The following ROBO1 variants were observed in gnomAD, a reference collection of about 807,000 sequenced individuals.
The protein encoded by ROBO1 is roundabout guidance receptor 1.
Under a neutral mutation model 195.9 loss-of-function variants are expected in ROBO1, and 149 were observed. That is an observed-to-expected ratio of 0.76 (90% CI 0.67 to 0.87). The LOEUF (loss-of-function observed/expected upper bound fraction) is 0.87. Ranked by LOEUF, ROBO1 falls within the 40% of genes least tolerant of loss-of-function variation. The pLI is 0.00. For synonymous variants in ROBO1, 816 were observed against 733.2 expected (o/e 1.11, Z -1.82); for missense variants, 1,933 against 2,068.3 (o/e 0.93, Z 1.27).
intron 3 of ROBO1, among the ~76,000 whole-genome samples, chr3:78,952,355 T>TTA (rs1242915579): frequency 1.3e-5 from 2 of 149,640 alleles, no homozygotes; most frequent in South Asian, 2.1e-4. Flanking sequence ...AGGGATGTAA[T>TTA]TATATATATA....
chr3:79,367,434 A>G (rs1282633392), intron 2 of ROBO1, among the ~76,000 whole-genome samples: 2 of 152,234 alleles, frequency 1.3e-5, no homozygotes, highest in Non-Finnish European at 2.9e-5. Context: ...GCTGACTCTG[A>G]TATTTTATAC....
chr3:79,076,870 T>C lies in ROBO1; in HGVS notation c.172+48586A>G, dbSNP rs139173351. ...TTCAAGTTTTGTATAGAGTGTTTGT[T>C]AGAATAGACAATTTTTCATATTTAA... On this transcript the variant is annotated intron_variant, in intron 3 of 30. Coordinates refer to ENST00000464233, the MANE Select transcript of ROBO1 (RefSeq NM_002941.4). 4.6e-5 allele frequency among the ~76,000 whole-genome samples: 7 copies of C among 152,014 alleles called. No individual in the cohort carries two copies. In the East Asian group the frequency reaches 1.4e-3, roughly 29 times the overall value.
At chr3:78,906,455 T>C (rs2037928352) in intron 4 of ROBO1, among the ~76,000 whole-genome samples, 1 of 152,130 alleles carries the variant, frequency 6.6e-6, no homozygotes, top group African/African-American at 2.4e-5. Flanking sequence ...AGTAAACATG[T>C]CTGCACCTGT....
intron 3 of ROBO1, among the ~76,000 whole-genome samples, chr3:79,023,362 G>A (rs968466104): frequency 1.3e-5 from 2 of 152,144 alleles, no homozygotes; most frequent in African/African-American, 2.4e-5. Flanking sequence ...AGAAAAGTCC[G>A]ATCTCAGAAA....
At chr3:78,860,326 AT>A (rs1553750391) in intron 4 of ROBO1, among the ~76,000 whole-genome samples, 31 of 93,520 alleles carry the variant, frequency 3.3e-4, no homozygotes, top group African/African-American at 9.9e-4. Context: ...ATATATATAT[AT>A]TTTTTTTTTT....
At chr3:79,535,433 C>T (rs1188609547) in intron 2 of ROBO1, among the ~76,000 whole-genome samples, 1 of 152,108 alleles carries the variant, frequency 6.6e-6, no homozygotes, top group Admixed American at 6.6e-5. Flanking sequence ...AAGTGTGGTA[C>T]ATTTTCCTCT....
intron 2 of ROBO1, among the ~76,000 whole-genome samples, chr3:79,416,416 CAACATAGTAA>C (rs574541276): frequency 8.8e-5 from 13 of 147,964 alleles, no homozygotes; most frequent in Non-Finnish European, 1.5e-4. Context: ...CCAGCCTGGG[CAACATAGTAA>C]AACCCCATCT....
chr3:78,799,531 CG>C (rs1302797383), intron 4 of ROBO1, among the ~76,000 whole-genome samples: 27 of 146,292 alleles, frequency 1.8e-4, no homozygotes, highest in South Asian at 4.4e-4. Context: ...TTAGTAGAGA[CG>C]GGGTTTCACC....
chr3:78,926,302 T>G (rs2039217329), intron 4 of ROBO1, among the ~76,000 whole-genome samples: 2 of 152,330 alleles, frequency 1.3e-5, no homozygotes, highest in Non-Finnish European at 2.9e-5. Context: ...AGTGAGCATC[T>G]AGAGGGACTG....
intron 2 of ROBO1, among the ~76,000 whole-genome samples, chr3:79,457,567 T>A (rs530310615): frequency 1.3e-5 from 2 of 152,282 alleles, no homozygotes; most frequent in Admixed American, 1.3e-4. Context: ...AAATCTCATC[T>A]TGAGCTCCCA....
At chr3:78,657,365 T>C in intron 17 of ROBO1, 96 bp from the exon 18 acceptor site, 4 of 1,248,286 alleles carry the variant, frequency 3.2e-6, no homozygotes, top group Non-Finnish European at 4.5e-6. Context: ...GACAGAGTAC[T>C]AAACTGTCAT....
At chr3:78,671,155 A>G (rs1708043179) in intron 10 of ROBO1, among the ~76,000 whole-genome samples, 3 of 152,188 alleles carry the variant, frequency 2.0e-5, no homozygotes, top group African/African-American at 7.2e-5. Context: ...TTACATGAAA[A>G]AAATCTAAAA....
At chr3:79,347,936 G>C (rs2035187141) in intron 2 of ROBO1, among the ~76,000 whole-genome samples, 1 of 152,110 alleles carries the variant, frequency 6.6e-6, no homozygotes, top group African/African-American at 2.4e-5. Context: ...TGTTGGTGGG[G>C]CGCAGTGGCT....
chr3:79,079,742 C>A (rs2079237760), intron 3 of ROBO1, among the ~76,000 whole-genome samples: 1 of 151,560 alleles, frequency 6.6e-6, no homozygotes, highest in South Asian at 2.1e-4. Context: ...CTCAATGTAT[C>A]CACACCATAA....
At chr3:79,595,728 T>G (rs939625219) in intron 1 of ROBO1, among the ~76,000 whole-genome samples, 12 of 150,976 alleles carry the variant, frequency 7.9e-5, no homozygotes, top group Non-Finnish European at 1.3e-4. Flanking sequence ...TTTTTACTTT[T>G]TTTTTTTTTT....
At chr3:78,990,757 T>A (rs1435052526) in intron 3 of ROBO1, among the ~76,000 whole-genome samples, 2 of 152,150 alleles carry the variant, frequency 1.3e-5, no homozygotes, top group African/African-American at 2.4e-5. Context: ...AAAAACTACA[T>A]ACCAGGCTAT....
intron 4 of ROBO1, among the ~76,000 whole-genome samples, chr3:78,819,045 G>A (rs906692371): frequency 6.6e-6 from 1 of 152,120 alleles, no homozygotes; most frequent in Non-Finnish European, 1.5e-5. Context: ...ACTATCTGCC[G>A]TTTCTGGCGA....
rs574546949 is a variant in ROBO1 at position 78,615,957 on chromosome 3, C to A, written c.4283-1157G>T. Among the ~76,000 whole-genome samples the A allele has an allele frequency of 2.2e-3, 337 of 152,198 alleles. 5 individuals are homozygous for A. Among genetic ancestry groups the A allele is most frequent in the African/African-American group, 7.7e-3 (320 of 41,522 alleles). ...TTAAAATTATGAGCTCAAGGAAAAC[C>A]AGAAGTGCCATTAAATTACAAAACA... On this transcript the variant is annotated intron_variant, in intron 27 of 30. Coordinates refer to ENST00000464233, the MANE Select transcript of ROBO1 (RefSeq NM_002941.4).
At chr3:79,519,346 T>C (rs1229826280) in intron 2 of ROBO1, among the ~76,000 whole-genome samples, 1 of 151,936 alleles carries the variant, frequency 6.6e-6, no homozygotes, top group African/African-American at 2.4e-5. Flanking sequence ...CTATAAGAAG[T>C]GTGGCCGGGC....
Sources: allele counts gnomAD v4.1 joint callset (sites outside exome capture counted in the v4.1 genomes callset), GRCh38; gene constraint gnomAD v4.1.1; transcripts MANE v1.5; gene names NCBI Gene and HGNC (gene_info 2026-07-23, HGNC 2026-07-21).